The following EPHA6 variants were observed in gnomAD, a reference collection of about 807,000 sequenced individuals.
The protein encoded by EPHA6 is ephrin type-A receptor 6.
EPHA6 carries 50 observed loss-of-function variants against 112.0 expected under a neutral mutation model. The observed-to-expected ratio is 0.45, with a 90% CI of 0.36 to 0.56. The LOEUF is 0.56. EPHA6 is among the 20% of genes least tolerant of loss of function. The pLI is 0.00. For missense variants in EPHA6, 1,280 were observed against 1,417.4 expected, an observed-to-expected ratio of 0.90 and a Z score of 1.56; for synonymous variants, 529 against 490.7, an observed-to-expected ratio of 1.08 and a Z score of -1.03.
chr3:97,268,317 T>C (rs1045610868), intron 5 of EPHA6, among the ~76,000 whole-genome samples: 10 of 152,178 alleles, frequency 6.6e-5, no homozygotes, highest in African/African-American at 2.2e-4. Flanking sequence ...GAAGATCAAG[T>C]TTGGTGCATT....
At chr3:96,933,365 T>G (rs1225967925) in intron 2 of EPHA6, among the ~76,000 whole-genome samples, 7 of 152,330 alleles carry the variant, frequency 4.6e-5, no homozygotes, top group Admixed American at 3.3e-4. Flanking sequence ...TTTCCAAGTT[T>G]CTAAAATTGC....
intron 3 of EPHA6, among the ~76,000 whole-genome samples, chr3:97,159,860 G>A (rs557581234): frequency 6.6e-6 from 1 of 152,260 alleles, no homozygotes; most frequent in South Asian, 2.1e-4. Context: ...TTGCATGTAA[G>A]GAATGCAAAT....
At chr3:97,272,894 AC>A (rs2079937856) in intron 5 of EPHA6, among the ~76,000 whole-genome samples, 2 of 152,248 alleles carry the variant, frequency 1.3e-5, no homozygotes, top group South Asian at 2.1e-4. Flanking sequence ...TAATAAAAAA[AC>A]GAAATAGTGG....
intron 11 of EPHA6, among the ~76,000 whole-genome samples, chr3:97,565,925 G>A (rs1052694767): frequency 2.0e-5 from 3 of 151,268 alleles, no homozygotes; most frequent in Non-Finnish European, 4.4e-5. Flanking sequence ...GCTGAGGCAG[G>A]AGAATTGCTT....
intron 6 of EPHA6, among the ~76,000 whole-genome samples, chr3:97,439,983 T>C (rs551563961): frequency 6.6e-6 from 1 of 152,266 alleles, no homozygotes; most frequent in South Asian, 2.1e-4. Flanking sequence ...TATCAATCAA[T>C]TGACATTACT....
At chr3:97,485,325 C>A (rs2091673326) in intron 10 of EPHA6, among the ~76,000 whole-genome samples, 1 of 152,170 alleles carries the variant, frequency 6.6e-6, no homozygotes, top group Non-Finnish European at 1.5e-5. Flanking sequence ...TTAGTTATTT[C>A]AAGACGGTGA....
intron 1 of EPHA6, among the ~76,000 whole-genome samples, chr3:96,837,355 A>G (rs114501127): frequency 0.013 from 1,994 of 152,264 alleles, 54 homozygotes; most frequent in African/African-American, 0.045. Context: ...TAGAGGGGTC[A>G]GCAAGGCTTC....
At chr3:97,298,145 C>T (rs535860551) in intron 5 of EPHA6, among the ~76,000 whole-genome samples, 42 of 152,258 alleles carry the variant, frequency 2.8e-4, no homozygotes, top group African/African-American at 8.4e-4. Flanking sequence ...AAATCAAACG[C>T]AATGCCAAAT....
chr3:97,479,231 T>A (rs552803150), intron 8 of EPHA6, 63 bp from the exon 9 acceptor site: 2 of 959,226 alleles, frequency 2.1e-6, no homozygotes, highest in South Asian at 1.8e-5. Flanking sequence ...GTATTTTAAT[T>A]GGTTTTGCAT....
At chr3:97,545,258 T>G (rs1221879496) in intron 11 of EPHA6, among the ~76,000 whole-genome samples, 1 of 152,216 alleles carries the variant, frequency 6.6e-6, no homozygotes, top group Admixed American at 6.5e-5. Context: ...GATTCTGGTA[T>G]GTTGTGTCTT....
intron 5 of EPHA6, among the ~76,000 whole-genome samples, chr3:97,267,746 T>C (rs1301306718): frequency 2.0e-5 from 3 of 152,146 alleles, no homozygotes; most frequent in Admixed American, 6.5e-5. Flanking sequence ...GGGGAAATTC[T>C]AGGCCCAAGA....
intron 5 of EPHA6, among the ~76,000 whole-genome samples, chr3:97,310,472 C>T (rs549544704): frequency 2.6e-5 from 4 of 151,376 alleles, no homozygotes; most frequent in East Asian, 2.0e-4. Context: ...TGATTTTCAC[C>T]TGTGGGGTAT....
chr3:97,662,154 G>A (rs987161523), intron 14 of EPHA6, among the ~76,000 whole-genome samples: 9 of 152,040 alleles, frequency 5.9e-5, no homozygotes, highest in African/African-American at 2.2e-4. Flanking sequence ...AAAGAGAAAA[G>A]GTGGAAGAGG....
At chr3:96,870,212 G>T (rs555215027) in intron 2 of EPHA6, among the ~76,000 whole-genome samples, 1 of 152,152 alleles carries the variant, frequency 6.6e-6, no homozygotes, top group South Asian at 2.1e-4. Flanking sequence ...TGGAGGACAT[G>T]AAATCCCATG....
chr3:97,512,268 T>G (rs1396267275), intron 10 of EPHA6, among the ~76,000 whole-genome samples: 1 of 152,106 alleles, frequency 6.6e-6, no homozygotes, highest in African/African-American at 2.4e-5. Context: ...GTATTAGTAA[T>G]TATCTATGAG....
intron 3 of EPHA6, among the ~76,000 whole-genome samples, chr3:97,126,854 C>A (rs2048195249): frequency 7.6e-6 from 1 of 131,072 alleles, no homozygotes. Flanking sequence ...ACAGTAAGAG[C>A]ATAAAGAAGA....
intron 2 of EPHA6, among the ~76,000 whole-genome samples, chr3:96,984,053 C>T (rs1298790972): frequency 9.9e-5 from 15 of 152,202 alleles, no homozygotes; most frequent in Non-Finnish European, 1.5e-4. Flanking sequence ...TCTCTCAACT[C>T]GTCAACGTCA....
At chr3:97,707,864 T>C (rs974400007) in intron 14 of EPHA6, among the ~76,000 whole-genome samples, 1 of 152,176 alleles carries the variant, frequency 6.6e-6, no homozygotes, top group Non-Finnish European at 1.5e-5. Context: ...CCTGCCACCA[T>C]GTAAGATGTG....
rs556054729 is a variant in EPHA6 at position 97,474,292 on chromosome 3, CTGA to C, written c.1895-1058_1895-1056del. On this transcript the variant is annotated intron_variant, in intron 7 of 17. Transcript: ENST00000389672. Reference sequence around the variant, plus strand: ...TATTTGATCCAATTTTCTCCAATAGCTGATAAGATTAATAGATATTATTTATTT... The same window carrying C: ...TATTTGATCCAATTTTCTCCAATAGCTAAGATTAATAGATATTATTTATTT... Among the ~76,000 whole-genome samples the C allele has an allele frequency of 3.6e-3, 551 of 151,804 alleles. 3 individuals are homozygous for C. Among genetic ancestry groups the C allele is most frequent in the African/African-American group, 0.013 (524 of 41,456 alleles).
Sources: gnomAD v4.1 joint callset for allele counts (sites outside exome capture counted in the v4.1 genomes callset) on GRCh38, gnomAD v4.1.1 for gene constraint, MANE v1.5 for transcripts, NCBI Gene and HGNC (gene_info 2026-07-23, HGNC 2026-07-21) for gene names.